GREB1L: variants seen among roughly 807,000 people sequenced by gnomAD.
GREB1L encodes GREB1-like protein.
In GREB1L, 17 loss-of-function variants were observed where a neutral mutation model predicts 200.8. The ratio of observed to expected loss-of-function variants is 0.08; its 90% CI spans 0.06 to 0.13. The LOEUF is 0.13. GREB1L is among the 10% of genes least tolerant of loss of function. The probability of loss-of-function intolerance (pLI) is 1.00; values close to 1 mark genes in which losing one functional copy is unlikely to be tolerated. For synonymous variants in GREB1L, 789 were observed against 893.0 expected (o/e 0.88, Z 2.08); for missense variants, 1,657 against 2,367.7 (o/e 0.70, Z 6.23).
intron 1 of GREB1L, among the ~76,000 whole-genome samples, chr18:21,362,614 G>A (rs2039596440): frequency 6.6e-6 from 1 of 152,044 alleles, no homozygotes; most frequent in Non-Finnish European, 1.5e-5. Context: ...AGGTTTTCCT[G>A]TGTTGCTCGA....
At chr18:21,477,136 A>G (rs776843561) in intron 16 of GREB1L, 28 bp from the exon 17 acceptor site, 1 of 1,488,052 alleles carries the variant, frequency 6.7e-7, no homozygotes, top group South Asian at 1.3e-5. Flanking sequence ...TAAATGAGGT[A>G]TTAATATGAC....
intron 1 of GREB1L, among the ~76,000 whole-genome samples, chr18:21,245,363 G>A (rs1307719205): frequency 6.6e-6 from 1 of 152,120 alleles, no homozygotes; most frequent in Non-Finnish European, 1.5e-5. Context: ...AGAACTAGAA[G>A]AATATATTTG....
chr18:21,418,359 C>G (rs1192438117), intron 7 of GREB1L, among the ~76,000 whole-genome samples: 1 of 152,186 alleles, frequency 6.6e-6, no homozygotes, highest in Non-Finnish European at 1.5e-5. Flanking sequence ...TGCATATCAC[C>G]TGTGCACATC....
intron 2 of GREB1L, among the ~76,000 whole-genome samples, chr18:21,378,466 C>T (rs1291855313): frequency 3.3e-5 from 5 of 152,084 alleles, no homozygotes; most frequent in African/African-American, 1.2e-4. Context: ...TGGCTCACTG[C>T]GACCTCAGGA....
At chr18:21,489,302 G>A (rs2036241467) in intron 18 of GREB1L, among the ~76,000 whole-genome samples, 1 of 152,154 alleles carries the variant, frequency 6.6e-6, no homozygotes, top group Non-Finnish European at 1.5e-5. Context: ...CTCAGGTGAT[G>A]AGGCTACAAC....
chr18:21,497,787 C>T (rs1397138702), intron 21 of GREB1L, among the ~76,000 whole-genome samples: 1 of 148,250 alleles, frequency 6.7e-6, no homozygotes, highest in Non-Finnish European at 1.5e-5. Flanking sequence ...TGTTGGGTCA[C>T]ATGCCCCTCC....
chr18:21,435,426 C>T (rs573315645), intron 7 of GREB1L, among the ~76,000 whole-genome samples: 17 of 152,168 alleles, frequency 1.1e-4, no homozygotes, highest in Non-Finnish European at 2.1e-4. Flanking sequence ...GGAGACAGAC[C>T]TCTGATAAGA....
At chr18:21,268,067 GAT>G (rs578014260) in intron 1 of GREB1L, among the ~76,000 whole-genome samples, 8 of 152,194 alleles carry the variant, frequency 5.3e-5, no homozygotes, top group African/African-American at 1.9e-4. Flanking sequence ...TGGTTCTCAT[GAT>G]ATTGAGAACT....
intron 4 of GREB1L, among the ~76,000 whole-genome samples, chr18:21,384,971 ACCT>A (rs142925967): frequency 0.023 from 3,541 of 152,134 alleles, 142 homozygotes; most frequent in African/African-American, 0.081. Context: ...ATTAGGGTCA[ACCT>A]CCTCTTCCAC....
At chr18:21,522,103 A>G (rs1426490016) in intron 32 of GREB1L, among the ~76,000 whole-genome samples, 1 of 151,932 alleles carries the variant, frequency 6.6e-6, no homozygotes, top group African/African-American at 2.4e-5. Flanking sequence ...GGAGGAACAC[A>G]TGAGAAACAT....
At chr18:21,328,460 A>G (rs2039057968) in intron 1 of GREB1L, among the ~76,000 whole-genome samples, 1 of 152,264 alleles carries the variant, frequency 6.6e-6, no homozygotes, top group Non-Finnish European at 1.5e-5. Context: ...AATTAGGCAC[A>G]GAAAGTCTGC....
chr18:21,343,823 C>T (rs1451544940), intron 1 of GREB1L, among the ~76,000 whole-genome samples: 2 of 150,128 alleles, frequency 1.3e-5, no homozygotes, highest in Non-Finnish European at 3.0e-5. Flanking sequence ...GCAACCTCTG[C>T]CTCCAGGATT....
At chr18:21,252,670 C>T (rs1363050937) in intron 1 of GREB1L, among the ~76,000 whole-genome samples, 2 of 151,734 alleles carry the variant, frequency 1.3e-5, no homozygotes, top group African/African-American at 2.4e-5. Flanking sequence ...GAGTTCAAAA[C>T]CAGCCTGGCC....
intron 2 of GREB1L, among the ~76,000 whole-genome samples, chr18:21,377,403 C>A (rs1024553001): frequency 6.6e-6 from 1 of 152,134 alleles, no homozygotes; most frequent in African/African-American, 2.4e-5. Flanking sequence ...TGTATGTTTT[C>A]ATTTCCTTTT....
At chr18:21,296,287 C>T (rs148488890) in intron 1 of GREB1L, among the ~76,000 whole-genome samples, 8 of 152,280 alleles carry the variant, frequency 5.3e-5, no homozygotes, top group Non-Finnish European at 2.9e-5. Context: ...CAGCAACATG[C>T]ATACAGCCAG....
At chr18:21,514,074 G>A (rs2037332765) in intron 28 of GREB1L, 88 bp downstream of exon 28, 2 of 1,279,670 alleles carry the variant, frequency 1.6e-6, no homozygotes, top group Non-Finnish European at 2.1e-6. Context: ...AAGTAAGAAA[G>A]AGAGAGACAG....
chr18:21,391,492 A>C (rs937218900), intron 4 of GREB1L, among the ~76,000 whole-genome samples: 3 of 152,258 alleles, frequency 2.0e-5, no homozygotes, highest in African/African-American at 4.8e-5. Context: ...ATGACTGTAT[A>C]TGAGTCAGAG....
chr18:21,414,865 CA>C (rs1436490024), intron 7 of GREB1L, among the ~76,000 whole-genome samples: 1 of 152,088 alleles, frequency 6.6e-6, no homozygotes, highest in Non-Finnish European at 1.5e-5. Flanking sequence ...AAAATACAGA[CA>C]AAAATACATT....
chr18:21,249,075 C>G (rs190756861), intron 1 of GREB1L, among the ~76,000 whole-genome samples: 32 of 152,026 alleles, frequency 2.1e-4, no homozygotes, highest in African/African-American at 7.2e-4. Flanking sequence ...TATTAAAAAT[C>G]AAGTTGTAGT....
Sources: allele counts gnomAD v4.1 joint callset (sites outside exome capture counted in the v4.1 genomes callset), GRCh38; gene constraint gnomAD v4.1.1; transcripts MANE v1.5; gene names NCBI Gene and HGNC (gene_info 2026-07-23, HGNC 2026-07-21).